MBP: variants seen among roughly 807,000 people sequenced by gnomAD.
The protein encoded by MBP is myelin basic protein.
Under a neutral mutation model 35.8 loss-of-function variants are expected in MBP, and 16 were observed. The observed-to-expected ratio is 0.45, with a 90% confidence interval of 0.30 to 0.68. MBP has a LOEUF of 0.68. Among genes scored for constraint, MBP ranks in the 30% least tolerant of loss-of-function variants. The pLI is 0.08. For synonymous variants in MBP, 143 were observed against 159.6 expected (o/e 0.90, Z 0.78); for missense variants, 380 against 404.7 (o/e 0.94, Z 0.52).
intron 2 of MBP, among the ~76,000 whole-genome samples, chr18:77,077,812 A>G (rs1402805109): frequency 2.0e-5 from 3 of 152,264 alleles, no homozygotes; most frequent in Admixed American, 1.3e-4. Context: ...TTCTTTGGAA[A>G]ATAAGGCACA....
At position 77,016,926 on chromosome 18, in the gene MBP, C is replaced by T. The variant is rs199779811; in HGVS notation, c.482G>A (p.Gly161Asp). ...TASTMDHARHGFLPRHRDTGI... is the reference protein window; with the variant it reads ...TASTMDHARHDFLPRHRDTGI... ...CGTGTCTCTGTGCCTTGGGAGGAAG[C>T]CATGCCTGGCATGGTCCATGGTACT... is the stretch of plus-strand genomic sequence containing the variant. Residue 161 changes from glycine (G) to aspartate (D), a missense_variant, in exon 4 of 9, where the codon GGC becomes GAC. Gly to Asp is a moderately conservative substitution (Grantham distance 94). Transcript: ENST00000355994. 6.8e-6 allele frequency: 11 copies of T among 1,614,092 alleles called. No individual in the cohort carries two copies. The highest frequency in any genetic ancestry group is 9.3e-6 in the Non-Finnish European group (11 of 1,180,046).
intron 2 of MBP, among the ~76,000 whole-genome samples, chr18:77,098,168 C>CTTT (rs3214873): frequency 0.019 from 2,108 of 108,466 alleles, 88 homozygotes; most frequent in East Asian, 0.091. Flanking sequence ...CAAGGACTTC[C>CTTT]TTTTTTTTTT....
At chr18:77,040,320 A>G (rs555593003) in intron 3 of MBP, among the ~76,000 whole-genome samples, 24 of 152,364 alleles carry the variant, frequency 1.6e-4, no homozygotes, top group Admixed American at 1.4e-3. Flanking sequence ...GCTCATGGGT[A>G]GGAAGAATCA....
chr18:77,124,960 C>A (rs1485674044), intron 1 of MBP, among the ~76,000 whole-genome samples: 1 of 152,212 alleles, frequency 6.6e-6, no homozygotes, highest in Non-Finnish European at 1.5e-5. Flanking sequence ...GTTGCAAACA[C>A]CTAGTTAATC....
rs976422955 is a variant in MBP, at chr18:77,101,614, G to A, written c.51+3597C>T. On this transcript the variant is annotated intron_variant, in intron 2 of 8. Coordinates refer to ENST00000355994, the MANE Select transcript of MBP (RefSeq NM_001025101.2). The surrounding 1 kb of genome is among the most constrained non-coding windows in gnomAD (Gnocchi z 4.3). The stretch of plus-strand genomic sequence containing the variant: ...CTCAACCACTTGTTACCAGGGACCT[G>A]CACCCCATATGAGTGGACTAACACT... 6.6e-6 allele frequency among the ~76,000 whole-genome samples: 1 copy of A among 152,168 alleles called. No individual in the cohort carries two copies. The highest frequency in any genetic ancestry group is 1.5e-5 in the Non-Finnish European group (1 of 68,022).
At chr18:77,022,367 G>C (rs929501542) in intron 3 of MBP, among the ~76,000 whole-genome samples, 7 of 152,228 alleles carry the variant, frequency 4.6e-5, no homozygotes, top group Non-Finnish European at 1.0e-4. Flanking sequence ...GTGCGGAAAA[G>C]GCAGGACCAG....
intron 4 of MBP, among the ~76,000 whole-genome samples, chr18:76,993,318 C>G (rs548358188): frequency 6.6e-6 from 1 of 152,008 alleles, no homozygotes; most frequent in Non-Finnish European, 1.5e-5. Context: ...TTTGGGAGGC[C>G]GAGGCGGGCA....
intron 3 of MBP, among the ~76,000 whole-genome samples, chr18:77,024,963 C>G (rs1055438985): frequency 6.6e-6 from 1 of 152,192 alleles, no homozygotes; most frequent in African/African-American, 2.4e-5. Context: ...CCACAGCACC[C>G]GCAGAGAGTG....
chr18:77,059,624 G>A (rs1023278088), intron 3 of MBP, among the ~76,000 whole-genome samples: 1 of 151,126 alleles, frequency 6.6e-6, no homozygotes, highest in African/African-American at 2.4e-5. Context: ...AAAAAATCAG[G>A]GGAATATTAT....
At chr18:77,003,260 C>T (rs1970736082) in intron 4 of MBP, 1 of 152,154 alleles carries the variant, frequency 6.6e-6, no homozygotes, top group African/African-American at 2.4e-5. Flanking sequence ...TGACTGAAAA[C>T]CAACCAACCA....
intron 4 of MBP, chr18:77,015,262 T>G: frequency 1.0e-6 from 1 of 970,780 alleles, no homozygotes; most frequent in East Asian, 1.2e-4. Flanking sequence ...ACAGTTTAAG[T>G]ACATTTTTTT....
At chr18:77,024,574 G>A (rs1972122015) in intron 3 of MBP, among the ~76,000 whole-genome samples, 1 of 152,252 alleles carries the variant, frequency 6.6e-6, no homozygotes, top group Non-Finnish European at 1.5e-5. Flanking sequence ...GGATGGCCAA[G>A]CGGGACCGCC....
At chr18:77,009,957 G>T in intron 4 of MBP, 1 of 1,502,010 alleles carries the variant, frequency 6.7e-7, no homozygotes, top group South Asian at 1.2e-5. Flanking sequence ...GGCTGCGTGA[G>T]TCCGGGTGGG....
At chr18:77,077,479 C>A (rs1228860951) in intron 2 of MBP, among the ~76,000 whole-genome samples, 1 of 152,192 alleles carries the variant, frequency 6.6e-6, no homozygotes. Flanking sequence ...GCCCTCACTG[C>A]ATTCTAAACC....
chr18:77,000,047 G>A (rs1403241258), intron 4 of MBP, among the ~76,000 whole-genome samples: 1 of 152,158 alleles, frequency 6.6e-6, no homozygotes, highest in Non-Finnish European at 1.5e-5. Context: ...TGTTTTGCCA[G>A]CTAGAGATGA....
chr18:76,990,222 C>G (rs1236359199), intron 4 of MBP, among the ~76,000 whole-genome samples, 162 bp from the exon 5 acceptor site: 1 of 151,596 alleles, frequency 6.6e-6, no homozygotes, highest in Middle Eastern at 3.2e-3. Flanking sequence ...GGTATCTAGA[C>G]TATCACAATG....
At chr18:77,080,895 C>T (rs583949) in intron 2 of MBP, among the ~76,000 whole-genome samples, 37,995 of 151,898 alleles carry the variant, frequency 0.25, 5,319 homozygotes, top group African/African-American at 0.38. Context: ...GTTGGCCAGG[C>T]TGGTCTCGAA....
chr18:77,075,117 G>A (rs1974600521), intron 2 of MBP, among the ~76,000 whole-genome samples: 1 of 152,222 alleles, frequency 6.6e-6, no homozygotes, highest in African/African-American at 2.4e-5. Flanking sequence ...GGAGGAGAAA[G>A]GGCTTCTGTC....
At chr18:77,122,348 G>A (rs1055849253) in intron 1 of MBP, among the ~76,000 whole-genome samples, 3 of 152,110 alleles carry the variant, frequency 2.0e-5, no homozygotes, top group African/African-American at 4.8e-5. Context: ...GCAAGGAGGC[G>A]ACTCCAGAAA....
Sources: allele counts gnomAD v4.1 joint callset (sites outside exome capture counted in the v4.1 genomes callset), GRCh38; gene constraint gnomAD v4.1.1; non-coding constraint Gnocchi (gnomAD v3.1); transcripts MANE v1.5; gene names NCBI Gene and HGNC (gene_info 2026-07-23, HGNC 2026-07-21).